BBS9: variants seen among roughly 807,000 people sequenced by gnomAD.
The protein encoded by BBS9 is protein PTHB1.
Under a neutral mutation model 117.7 loss-of-function variants are expected in BBS9, and 89 were observed. That is an observed-to-expected ratio of 0.76 (90% CI 0.64 to 0.90). The LOEUF (loss-of-function observed/expected upper bound fraction) is 0.90, where lower values mean the gene tolerates loss of function less well. Ranked by LOEUF, BBS9 falls within the 40% of genes least tolerant of loss-of-function variation. BBS9 has a pLI of 0.00. For synonymous variants in BBS9, 379 were observed against 370.9 expected, an observed-to-expected ratio of 1.02 and a Z score of -0.25; for missense variants, 982 against 1,042.2, an observed-to-expected ratio of 0.94 and a Z score of 0.80.
chr7:33,592,232 C>G (rs1017832781), intron 21 of BBS9, among the ~76,000 whole-genome samples: 1 of 152,152 alleles, frequency 6.6e-6, no homozygotes, highest in Non-Finnish European at 1.5e-5. Flanking sequence ...TAATAGCTAA[C>G]ATTTACTGGG....
At chr7:33,422,234 A>G (rs546606991) in intron 19 of BBS9, among the ~76,000 whole-genome samples, 3 of 152,314 alleles carry the variant, frequency 2.0e-5, no homozygotes, top group African/African-American at 7.2e-5. Flanking sequence ...TGTCTTTTAA[A>G]AAATGTGTGA....
chr7:33,374,733 C>G (rs1823508866), intron 17 of BBS9, among the ~76,000 whole-genome samples: 1 of 151,882 alleles, frequency 6.6e-6, no homozygotes, highest in South Asian at 2.1e-4. Context: ...GAAACCTCAT[C>G]TCTACTAAAA....
At chr7:33,453,363 C>CT (rs1438962264) in intron 19 of BBS9, among the ~76,000 whole-genome samples, 1 of 152,118 alleles carries the variant, frequency 6.6e-6, no homozygotes, top group Non-Finnish European at 1.5e-5. Context: ...CACAGATCCA[C>CT]TTATATGTTC....
rs148232898 is a variant in BBS9 at position 33,383,669 on chromosome 7, G to A, written c.1793G>A (p.Arg598Gln). ...ITVLASKTSQ[R>Q]YRIQSEQFED... is the part of the protein sequence containing the mutation. ...TTCCTTAATTTTTTTCTCTCAGAAC[G>A]ATATCGCATTCAGAGTGAACAATTT... The change falls in exon 18 of 23, where the codon CGA (arginine) becomes CAA (glutamine). Residue 598 changes from arginine to glutamine, a missense_variant. By Grantham distance (43) the Arg-to-Gln change is conservative (BLOSUM62 1). Transcript: ENST00000242067. 19 of 1,603,994 alleles carry A rather than the reference G, an allele frequency of 1.2e-5. No individual in the cohort carries two copies. Among genetic ancestry groups the A allele is most frequent in the African/African-American group, 4.0e-5 (3 of 74,808 alleles).
At chr7:33,151,428 A>G (rs546189616) in intron 2 of BBS9, among the ~76,000 whole-genome samples, 1 of 152,290 alleles carries the variant, frequency 6.6e-6, no homozygotes, top group South Asian at 2.1e-4. Flanking sequence ...AGCTTTCCCA[A>G]TGCAGGCAGA....
chr7:33,231,826 G>A (rs1328326083), intron 5 of BBS9, among the ~76,000 whole-genome samples: 4 of 151,846 alleles, frequency 2.6e-5, no homozygotes, highest in Non-Finnish European at 5.9e-5. Context: ...TACCCTTGAC[G>A]CTGTTGACAT....
At chr7:33,353,293 A>G (rs908249171) in intron 15 of BBS9, among the ~76,000 whole-genome samples, 2 of 152,140 alleles carry the variant, frequency 1.3e-5, no homozygotes, top group African/African-American at 2.4e-5. Context: ...CCTCTCTGTG[A>G]TAAGAATGGT....
intron 19 of BBS9, among the ~76,000 whole-genome samples, chr7:33,437,415 A>C (rs1835464394): frequency 6.6e-6 from 1 of 152,146 alleles, no homozygotes; most frequent in South Asian, 2.1e-4. Flanking sequence ...ATATATAGAG[A>C]AGCATCAGAG....
At chr7:33,147,221 G>A (rs1013139724) in intron 2 of BBS9, among the ~76,000 whole-genome samples, 1 of 151,286 alleles carries the variant, frequency 6.6e-6, no homozygotes, top group Non-Finnish European at 1.5e-5. Flanking sequence ...TTGTATCATT[G>A]CTATTTGAAA....
chr7:33,174,649 AT>A (rs1797065984), intron 4 of BBS9, among the ~76,000 whole-genome samples: 1 of 152,232 alleles, frequency 6.6e-6, no homozygotes, highest in Non-Finnish European at 1.5e-5. Context: ...TTACACTTCC[AT>A]TTATGTTATA....
At chr7:33,392,125 C>T (rs1000769550) in intron 19 of BBS9, among the ~76,000 whole-genome samples, 4 of 152,204 alleles carry the variant, frequency 2.6e-5, no homozygotes, top group Non-Finnish European at 4.4e-5. Context: ...CCCTGCTTAT[C>T]GCATATTCCA....
At chr7:33,325,506 G>A (rs11765727) in intron 9 of BBS9, among the ~76,000 whole-genome samples, 25,340 of 152,082 alleles carry the variant, frequency 0.17, 2,362 homozygotes, top group South Asian at 0.21. Context: ...GTTTGGTAAG[G>A]TCATGTTTTC....
chr7:33,512,059 TG>T (rs1447456041), intron 20 of BBS9, among the ~76,000 whole-genome samples: 1 of 152,224 alleles, frequency 6.6e-6, no homozygotes, highest in African/African-American at 2.4e-5. Context: ...GTAAATATTT[TG>T]GTAATTCCCA....
At chr7:33,447,483 A>G (rs971677396) in intron 19 of BBS9, among the ~76,000 whole-genome samples, 2 of 152,216 alleles carry the variant, frequency 1.3e-5, no homozygotes, top group African/African-American at 4.8e-5. Context: ...GGCTTTGAAT[A>G]TTGTCCTGAC....
chr7:33,260,891 T>A (rs1797877499), intron 6 of BBS9, among the ~76,000 whole-genome samples: 1 of 152,186 alleles, frequency 6.6e-6, no homozygotes. Flanking sequence ...CAGCAACCCC[T>A]CAATAGCTCC....
At chr7:33,415,925 C>T (rs1410072660) in intron 19 of BBS9, among the ~76,000 whole-genome samples, 1 of 152,118 alleles carries the variant, frequency 6.6e-6, no homozygotes, top group Non-Finnish European at 1.5e-5. Context: ...GCCTCGACCT[C>T]CCTGGGCTTA....
rs61006845 is a variant in BBS9, at chr7:33,516,487, CAAAAAAA to C, written c.2298+10860_2298+10866del. 7.6e-3 allele frequency among the ~76,000 whole-genome samples: 394 copies of C among 51,546 alleles called. 3 individuals carry two copies. Among genetic ancestry groups the C allele is most frequent in the African/African-American group, 0.027 (358 of 13,364 alleles). The allele number at this position is 51,546 out of a possible 152,430, so 33.8% of individuals were successfully genotyped here. On this transcript the variant is annotated intron_variant, in intron 20 of 22. Coordinates refer to ENST00000242067, the MANE Select transcript of BBS9 (RefSeq NM_198428.3). ...CTGGGCAGCAGAGCAATTTCATCTC[CAAAAAAA>C]AAAAAAAAAAAAAAAAAGAGTTGAT...
chr7:33,516,352 G>T (rs149831089), intron 20 of BBS9, among the ~76,000 whole-genome samples: 1 of 151,782 alleles, frequency 6.6e-6, no homozygotes, highest in East Asian at 1.9e-4. Context: ...GGCCTGGTGC[G>T]GTGGCAGGCA....
chr7:33,295,058 G>C (rs891583895), intron 9 of BBS9, among the ~76,000 whole-genome samples: 2 of 151,862 alleles, frequency 1.3e-5, no homozygotes, highest in Non-Finnish European at 2.9e-5. Flanking sequence ...AGTTAGAATG[G>C]GCATATTGAA....
Sources: gnomAD v4.1 joint callset for allele counts (sites outside exome capture counted in the v4.1 genomes callset) on GRCh38, gnomAD v4.1.1 for gene constraint, MANE v1.5 for transcripts, NCBI Gene and HGNC (gene_info 2026-07-23, HGNC 2026-07-21) for gene names.